Variants in SIK3 observed in about 807,000 individuals in gnomAD.
SIK3 encodes SIK family kinase 3.
A neutral mutation model predicts 144.2 loss-of-function variants in SIK3; 28 were observed. That is an observed-to-expected ratio of 0.19 (90% confidence interval 0.14 to 0.27). SIK3 has a LOEUF of 0.27. Among genes scored for constraint, SIK3 ranks in the 10% least tolerant of loss-of-function variants. The pLI is 1.00. For missense variants in SIK3, 1,319 were observed against 1,776.0 expected, an observed-to-expected ratio of 0.74 and a Z score of 4.62; for synonymous variants, 686 against 676.3, an observed-to-expected ratio of 1.01 and a Z score of -0.22.
intron 19 of SIK3, among the ~76,000 whole-genome samples, chr11:116,860,257 AC>A (rs1157405470): frequency 2.9e-4 from 44 of 151,940 alleles, no homozygotes; most frequent in African/African-American, 9.9e-4. Flanking sequence ...AAAAAAAAAA[AC>A]AGACTCTAAC....
intron 3 of SIK3, among the ~76,000 whole-genome samples, chr11:116,951,653 T>C (rs1241852843): frequency 6.6e-6 from 1 of 152,168 alleles, no homozygotes; most frequent in African/African-American, 2.4e-5. Flanking sequence ...TACTGCTTCC[T>C]GCTGGGTGCA....
Position 116,849,231 on chromosome 11 carries a change from C to A in SIK3, c.3708G>T (p.Glu1236Asp). The change falls in exon 22 of 25, where the codon GAG (glutamate) becomes GAT (aspartate). Residue 1236 changes from glutamate (E) to aspartate (D), a missense_variant. Around this residue, in one of 8 missense-constraint regions of SIK3, gnomAD observed 646 missense variants for 763.7 expected, o/e 0.85. Transcript: ENST00000445177. The surrounding 1 kb of genome is among the most constrained non-coding windows in gnomAD (Gnocchi z 4.2). ...ACCCGAGCCCATTGTGATCCGGCAGCTCCACTGCTTGTCCTGGAGAACTTC... is the reference window on the plus strand; with the variant it reads ...ACCCGAGCCCATTGTGATCCGGCAGATCCACTGCTTGTCCTGGAGAACTTC... ...MDRSSPGQAV[E>D]LPDHNGLGYP... 6.2e-7 allele frequency: 1 copy of A among 1,614,234 alleles called. No homozygotes were observed.
intron 6 of SIK3, among the ~76,000 whole-genome samples, chr11:116,877,749 T>C (rs958306555): frequency 1.7e-5 from 2 of 118,208 alleles, no homozygotes; most frequent in African/African-American, 6.9e-5. Flanking sequence ...GAAACGTATA[T>C]TCTGATTTCA....
At position 116,863,802 on chromosome 11, in the gene SIK3, A is replaced by C; in HGVS notation, c.1969T>G (p.Ser657Ala). 6.2e-7 allele frequency: 1 copy of C among 1,612,686 alleles called. No individual in the cohort carries two copies. Residue 657 changes from serine (S) to alanine (A), a missense_variant, in exon 16 of 25, where the codon TCC (serine) becomes GCC (alanine). Transcript: ENST00000445177. ...TCCGTAGGGAGGTGCAGAGTGTTGGAGTCCTTGTAGGTAGAGCTGAATATA... is the reference window on the plus strand; with the variant it reads ...TCCGTAGGGAGGTGCAGAGTGTTGGCGTCCTTGTAGGTAGAGCTGAATATA... ...PDQHRSTYKD[S>A]NTLHLPTERF...
intron 1 of SIK3, among the ~76,000 whole-genome samples, chr11:116,970,351 T>C (rs957169812): frequency 1.3e-5 from 2 of 152,184 alleles, no homozygotes; most frequent in Non-Finnish European, 2.9e-5. Flanking sequence ...TCTGGGAGAC[T>C]TGGGTTTTGA....
intron 21 of SIK3, among the ~76,000 whole-genome samples, chr11:116,855,102 A>AAAAAAAAAAAAAAAAAAC (rs1168132311): frequency 6.9e-6 from 1 of 144,328 alleles, no homozygotes; most frequent in Non-Finnish European, 1.5e-5. Context: ...AAAAAAAAAA[A>AAAAAAAAAAAAAAAAAAC]AAAAAAACTT....
In SIK3 at chr11:117,012,452, C is replaced by A. The variant is rs552130644; in HGVS notation, c.274-55388G>T. The stretch of plus-strand genomic sequence containing the variant: ...TAACTTTTCCAAAGCTGTATTTGAC[C>A]TTATGTTTGAAGAAGGCTTTCCATA... On this transcript the variant is annotated intron_variant, in intron 1 of 24. Transcript: ENST00000445177. 1.8e-4 allele frequency among the ~76,000 whole-genome samples: 27 copies of A among 152,270 alleles called. No homozygotes were observed. In the South Asian group the frequency reaches 5.2e-3, roughly 29 times the overall value.
chr11:117,073,893 G>A (rs1565617669), intron 1 of SIK3, among the ~76,000 whole-genome samples: 1 of 152,096 alleles, frequency 6.6e-6, no homozygotes, highest in Non-Finnish European at 1.5e-5. Flanking sequence ...TTTTCACTAT[G>A]GCCTATGTTC....
intron 1 of SIK3, among the ~76,000 whole-genome samples, chr11:116,981,386 T>C (rs1187603580): frequency 1.3e-5 from 2 of 152,244 alleles, no homozygotes; most frequent in African/African-American, 4.8e-5. Flanking sequence ...AGTATGCTGA[T>C]GGGTTCCAAG....
rs545361325 is a variant in SIK3, at chr11:116,957,102, T to C, written c.274-38A>G. 6.0e-6 allele frequency: 7 copies of C among 1,163,264 alleles called. No individual in the cohort carries two copies. The Admixed American group carries it at 1.8e-4, about 30-fold the overall frequency. 72.1% of individuals were successfully genotyped at this position (1,163,264 alleles called of 1,614,324 possible). ...GGAAAAAAATTACTCTGATGCATTA[T>C]TAAAAGCAGTTTACTAAGAAAAATT... On this transcript the variant is annotated intron_variant, in intron 1 of 24. Coordinates refer to ENST00000445177, the MANE Select transcript of SIK3 (RefSeq NM_001366686.3).
intron 1 of SIK3, among the ~76,000 whole-genome samples, chr11:116,996,548 G>A (rs1038263158): frequency 2.0e-5 from 3 of 152,050 alleles, no homozygotes; most frequent in South Asian, 2.1e-4. Context: ...GGCCGGGCAC[G>A]GTGGCTCACG....
At chr11:116,855,181 T>A (rs763210123) in intron 21 of SIK3, 2 of 151,434 alleles carry the variant, frequency 1.3e-5, no homozygotes, top group Non-Finnish European at 2.9e-5. Flanking sequence ...TAGCTTCTAC[T>A]AATGCCTTCA....
At chr11:117,093,444 G>A (rs1249277833) in intron 1 of SIK3, among the ~76,000 whole-genome samples, 1 of 152,196 alleles carries the variant, frequency 6.6e-6, no homozygotes, top group South Asian at 2.1e-4. Context: ...TAAGGCCTTT[G>A]CTTGTGCACG....
intron 8 of SIK3, 99 bp downstream of exon 8, chr11:116,876,154 G>A (rs1944241118): frequency 6.7e-7 from 1 of 1,488,196 alleles, no homozygotes; most frequent in East Asian, 2.3e-5. Context: ...AAAAACAGGA[G>A]GAAAAAAAAG....
intron 13 of SIK3, among the ~76,000 whole-genome samples, chr11:116,873,042 G>A (rs1017285407): frequency 2.6e-5 from 4 of 152,226 alleles, no homozygotes; most frequent in African/African-American, 4.8e-5. Flanking sequence ...CCAAACATGT[G>A]AGGTGTGTTT....
At chr11:116,983,071 T>C (rs901156919) in intron 1 of SIK3, among the ~76,000 whole-genome samples, 2 of 148,826 alleles carry the variant, frequency 1.3e-5, no homozygotes, top group African/African-American at 2.5e-5. Flanking sequence ...AATTGAAATA[T>C]AAAAAATTAG....
chr11:116,997,522 T>A (rs1214149534), intron 1 of SIK3, among the ~76,000 whole-genome samples: 1 of 152,230 alleles, frequency 6.6e-6, no homozygotes, highest in Non-Finnish European at 1.5e-5. Context: ...AAAAATTTGA[T>A]AAAAGGAATA....
chr11:116,998,162 A>AT (rs201703941), intron 1 of SIK3, among the ~76,000 whole-genome samples: 9 of 141,982 alleles, frequency 6.3e-5, no homozygotes, highest in Admixed American at 1.4e-4. Context: ...GTATATGATA[A>AT]TTTAAAAAAA....
chr11:117,022,820 A>AGCTTTGTT (rs1951831976), intron 1 of SIK3, among the ~76,000 whole-genome samples: 3 of 127,596 alleles, frequency 2.4e-5, no homozygotes, highest in Admixed American at 8.1e-5. Flanking sequence ...GCAAGGGAGG[A>AGCTTTGTT]AATGTGAAGA....
Sources: allele counts gnomAD v4.1 joint callset (sites outside exome capture counted in the v4.1 genomes callset), GRCh38; gene constraint gnomAD v4.1.1; regional missense constraint gnomAD v4.1.1; non-coding constraint Gnocchi (gnomAD v3.1); transcripts MANE v1.5; gene names NCBI Gene and HGNC (gene_info 2026-07-23, HGNC 2026-07-21).